The following NRG3 variants were observed in gnomAD, a reference collection of about 807,000 sequenced individuals.
NRG3 encodes neuregulin 3.
Under a neutral mutation model 66.9 loss-of-function variants are expected in NRG3, and 31 were observed. The observed-to-expected ratio is 0.46, with a 90% CI of 0.35 to 0.63. NRG3 has a LOEUF of 0.63. NRG3 is among the 20% of genes least tolerant of loss of function. The pLI is 0.00. For missense variants in NRG3, 910 were observed against 878.9 expected (o/e 1.04, Z -0.45); for synonymous variants, 393 against 359.4 (o/e 1.09, Z -1.06).
At chr10:82,797,450 A>C (rs1378111561) in intron 3 of NRG3, among the ~76,000 whole-genome samples, 1 of 152,192 alleles carries the variant, frequency 6.6e-6, no homozygotes, top group Non-Finnish European at 1.5e-5. Flanking sequence ...GGTCATGTCC[A>C]AAGTCACCTA....
chr10:82,102,694 A>G (rs912923197), intron 1 of NRG3, among the ~76,000 whole-genome samples: 5 of 151,984 alleles, frequency 3.3e-5, no homozygotes, highest in Admixed American at 1.3e-4. Flanking sequence ...ACATAAATAT[A>G]CATTTCTAAC....
chr10:82,629,281 C>G (rs571373402), intron 2 of NRG3, among the ~76,000 whole-genome samples: 29 of 152,174 alleles, frequency 1.9e-4, no homozygotes, highest in African/African-American at 7.0e-4. Context: ...TTAAGGGATT[C>G]AAATACCTAT....
Position 82,002,471 on chromosome 10 carries a change from C to T in NRG3, c.823+126308C>T, listed in dbSNP as rs188034055. On this transcript the variant is annotated intron_variant, in intron 1 of 8. Coordinates refer to ENST00000372141, the MANE Select transcript of NRG3 (RefSeq NM_001010848.4). Reference sequence around the variant, plus strand: ...TGTAAAATTTTTATTTATATAAAAACAGAAGACTTGTAATTCAGCAGCTGT... The same window carrying T: ...TGTAAAATTTTTATTTATATAAAAATAGAAGACTTGTAATTCAGCAGCTGT... Among the ~76,000 whole-genome samples, 334 of 152,240 alleles carry T rather than the reference C, an allele frequency of 2.2e-3. 1 individual carries two copies. Among genetic ancestry groups the T allele is most frequent in the Middle Eastern group, 6.8e-3 (2 of 294 alleles).
At chr10:82,613,976 C>G (rs777521367) in intron 2 of NRG3, among the ~76,000 whole-genome samples, 3 of 151,856 alleles carry the variant, frequency 2.0e-5, no homozygotes, top group Admixed American at 2.0e-4. Context: ...AATCCTGGCT[C>G]ACTGCAACCT....
chr10:82,047,365 C>T (rs1414628040), intron 1 of NRG3, among the ~76,000 whole-genome samples: 1 of 151,900 alleles, frequency 6.6e-6, no homozygotes, highest in Non-Finnish European at 1.5e-5. Flanking sequence ...GTCGGGTTAC[C>T]CACAAAGGGA....
At chr10:82,263,914 C>A (rs1009472094) in intron 1 of NRG3, among the ~76,000 whole-genome samples, 1 of 152,176 alleles carries the variant, frequency 6.6e-6, no homozygotes, top group East Asian at 1.9e-4. Context: ...TTAGGATATA[C>A]TGATGGTTTG....
intron 4 of NRG3, among the ~76,000 whole-genome samples, chr10:82,898,715 C>CTTCTTTT (rs1564613705): frequency 1.1e-5 from 1 of 89,398 alleles, no homozygotes; most frequent in Non-Finnish European, 2.1e-5. Context: ...GGAGTTTTAC[C>CTTCTTTT]TTTTTTTTTT....
intron 2 of NRG3, among the ~76,000 whole-genome samples, chr10:82,686,726 A>G (rs2054543277): frequency 6.6e-6 from 1 of 152,178 alleles, no homozygotes; most frequent in Admixed American, 6.5e-5. Context: ...TCATCTCAGG[A>G]ATTAAAGTGG....
chr10:82,913,710 C>T (rs1845552048), intron 4 of NRG3, among the ~76,000 whole-genome samples: 1 of 152,136 alleles, frequency 6.6e-6, no homozygotes, highest in Admixed American at 6.6e-5. Flanking sequence ...TCCCTTCCCA[C>T]CATTGCACAT....
At chr10:82,006,039 C>T (rs1190813305) in intron 1 of NRG3, among the ~76,000 whole-genome samples, 1 of 151,958 alleles carries the variant, frequency 6.6e-6, no homozygotes, top group Non-Finnish European at 1.5e-5. Flanking sequence ...CTGTCTTCAG[C>T]TGTGTAATGC....
Position 82,595,002 on chromosome 10 carries a change from T to C in NRG3, c.954-143575T>C, listed in dbSNP as rs376701527. ...CTTTTTATTTATTTATTTTTATTTT[T>C]TAGAGATGGGGTCTTGCTATGTTGA... On this transcript the variant is annotated intron_variant, in intron 2 of 8. Transcript: ENST00000372141. 7.9e-5 allele frequency among the ~76,000 whole-genome samples: 12 copies of C among 152,238 alleles called. No homozygotes were observed. The South Asian group carries it at 1.5e-3, about 18-fold the overall frequency.
intron 3 of NRG3, among the ~76,000 whole-genome samples, chr10:82,804,366 A>G (rs2135457233): frequency 6.6e-6 from 1 of 152,320 alleles, no homozygotes; most frequent in Non-Finnish European, 1.5e-5. Context: ...GGTTTTGGCT[A>G]CAATGCATGA....
In NRG3 at chr10:81,876,138, A is replaced by C. The variant is rs1841615996; in HGVS notation, c.798A>C (p.Pro266=). The C allele has an allele frequency of 1.3e-6, 2 of 1,597,954 alleles. No homozygotes were observed. The highest frequency in any genetic ancestry group is 2.2e-5 in the South Asian group (2 of 89,150). ...SSSSSATTTT[P]ETSTSPKFHT... ...CCTCCTCCGCTACCACCACCACACC[A>C]GAAACTAGCACCAGCCCCAAATTTC... Residue 266 remains proline (P), a synonymous_variant, in exon 1 of 9, where the codon CCA becomes CCC. Transcript: ENST00000372141.
At chr10:82,858,220 G>T (rs2063914973) in intron 3 of NRG3, among the ~76,000 whole-genome samples, 1 of 152,122 alleles carries the variant, frequency 6.6e-6, no homozygotes, top group African/African-American at 2.4e-5. Context: ...TATATATTCT[G>T]TGGATCCCAT....
At chr10:82,810,793 T>A (rs11196053) in intron 3 of NRG3, among the ~76,000 whole-genome samples, 1 of 150,490 alleles carries the variant, frequency 6.6e-6, no homozygotes, top group Non-Finnish European at 1.5e-5. Context: ...CCAGTGATGC[T>A]GAGGGTGTGA....
intron 3 of NRG3, among the ~76,000 whole-genome samples, chr10:82,847,637 T>C (rs1365867944): frequency 6.6e-6 from 1 of 152,156 alleles, no homozygotes; most frequent in East Asian, 1.9e-4. Context: ...GAAAAATGTG[T>C]ATATCATGAA....
intron 1 of NRG3, among the ~76,000 whole-genome samples, chr10:82,078,870 TGA>T (rs1328559743): frequency 6.6e-6 from 1 of 152,014 alleles, no homozygotes; most frequent in Non-Finnish European, 1.5e-5. Flanking sequence ...CACAAACAGG[TGA>T]TTAGGTTGCC....
chr10:82,327,151 G>T (rs1195912754), intron 1 of NRG3, among the ~76,000 whole-genome samples: 1 of 152,142 alleles, frequency 6.6e-6, no homozygotes, highest in East Asian at 1.9e-4. Flanking sequence ...GAGAGTATTT[G>T]ATTATTTGGA....
chr10:82,899,035 C>A (rs367879848), intron 4 of NRG3, among the ~76,000 whole-genome samples: 4 of 152,008 alleles, frequency 2.6e-5, no homozygotes, highest in Non-Finnish European at 2.9e-5. Flanking sequence ...ATTGGTTACA[C>A]GCAGTGAATT....
Sources: gnomAD v4.1 joint callset for allele counts (sites outside exome capture counted in the v4.1 genomes callset) on GRCh38, gnomAD v4.1.1 for gene constraint, MANE v1.5 for transcripts, NCBI Gene and HGNC (gene_info 2026-07-23, HGNC 2026-07-21) for gene names.